Variants in FSTL4 observed in about 807,000 individuals in gnomAD.
FSTL4 encodes the protein follistatin-related protein 4.
In FSTL4, 28 loss-of-function variants were observed where a neutral mutation model predicts 78.2. The ratio of observed to expected loss-of-function variants is 0.36; its 90% CI spans 0.27 to 0.49. The LOEUF (loss-of-function observed/expected upper bound fraction) is 0.49, where lower values mean the gene tolerates loss of function less well. Among genes scored for constraint, FSTL4 ranks in the 20% least tolerant of loss-of-function variants. The pLI is 0.98. For missense variants in FSTL4, 922 were observed against 1,084.9 expected (o/e 0.85, Z 2.11); for synonymous variants, 422 against 440.5 (o/e 0.96, Z 0.53).
At chr5:133,263,577 G>A (rs57027813) in intron 6 of FSTL4, among the ~76,000 whole-genome samples, 309 of 152,308 alleles carry the variant, frequency 2.0e-3, no homozygotes, top group African/African-American at 7.1e-3. Context: ...GACCTCTAAT[G>A]TTTCGTTAGA....
chr5:133,388,731 C>T (rs1755766838), intron 4 of FSTL4, among the ~76,000 whole-genome samples: 1 of 151,508 alleles, frequency 6.6e-6, no homozygotes, highest in Non-Finnish European at 1.5e-5. Flanking sequence ...TTTTTTGGAT[C>T]TCTCTTTGCT....
the FSTL4 span, among the ~76,000 whole-genome samples, chr5:133,748,556 G>A: frequency 1.3e-5 from 2 of 152,180 alleles, no homozygotes; most frequent in Non-Finnish European, 2.9e-5. Flanking sequence ...GGGTGACAGA[G>A]CGAGACTCCA....
At chr5:133,659,066 G>T in the FSTL4 span, among the ~76,000 whole-genome samples, 1 of 152,030 alleles carries the variant, frequency 6.6e-6, no homozygotes, top group African/African-American at 2.4e-5. Context: ...GTTTGTGTTT[G>T]TTCTATATGC....
intron 4 of FSTL4, among the ~76,000 whole-genome samples, chr5:133,318,477 T>C (rs1753962824): frequency 6.6e-6 from 1 of 152,124 alleles, no homozygotes; most frequent in African/African-American, 2.4e-5. Context: ...TCCTGGCAAA[T>C]AGACCAGAAG....
chr5:133,648,631 C>T, the FSTL4 span, among the ~76,000 whole-genome samples: 29,112 of 152,156 alleles, frequency 0.19, 2,903 homozygotes, highest in Middle Eastern at 0.41. Context: ...CACAGTTCCC[C>T]GGGCTTCAAA....
intron 4 of FSTL4, among the ~76,000 whole-genome samples, chr5:133,390,678 C>T (rs1251881945): frequency 1.3e-5 from 2 of 152,232 alleles, no homozygotes; most frequent in Non-Finnish European, 2.9e-5. Context: ...TCCAATGAGC[C>T]TGCTCTGCTG....
intron 4 of FSTL4, among the ~76,000 whole-genome samples, chr5:133,341,027 C>G (rs560325556): frequency 6.6e-6 from 1 of 152,010 alleles, no homozygotes; most frequent in Non-Finnish European, 1.5e-5. Flanking sequence ...TGCCTGAGGG[C>G]GCTCCAAAGT....
the FSTL4 span, among the ~76,000 whole-genome samples, chr5:133,760,354 G>A: frequency 1.3e-5 from 2 of 152,228 alleles, no homozygotes; most frequent in Non-Finnish European, 2.9e-5. Context: ...CTTTCTAGGA[G>A]TCACTGACTG....
intron 6 of FSTL4, among the ~76,000 whole-genome samples, chr5:133,254,810 C>T (rs530302342): frequency 8.5e-5 from 13 of 152,222 alleles, no homozygotes; most frequent in Non-Finnish European, 1.8e-4. Flanking sequence ...CCTGTTGAGC[C>T]TCACATCCTG....
intron 3 of FSTL4, among the ~76,000 whole-genome samples, chr5:133,553,073 T>A (rs1580784590): frequency 6.6e-6 from 1 of 152,028 alleles, no homozygotes; most frequent in Non-Finnish European, 1.5e-5. Context: ...TGCCATCAGG[T>A]CTCTGGGCCT....
chr5:133,414,187 AG>A (rs1338178276), intron 3 of FSTL4, among the ~76,000 whole-genome samples: 1 of 152,188 alleles, frequency 6.6e-6, no homozygotes, highest in Non-Finnish European at 1.5e-5. Flanking sequence ...CAGGTTACTC[AG>A]GTAGTTTGCA....
chr5:133,500,650 T>C (rs148067600), intron 3 of FSTL4, among the ~76,000 whole-genome samples: 2 of 152,314 alleles, frequency 1.3e-5, no homozygotes, highest in East Asian at 3.9e-4. Flanking sequence ...GCTTGCACTC[T>C]CAGGCTATTT....
chr5:133,651,009 G>C, the FSTL4 span, among the ~76,000 whole-genome samples: 1 of 152,116 alleles, frequency 6.6e-6, no homozygotes, highest in South Asian at 2.1e-4. Flanking sequence ...TAATGTAAAA[G>C]ATATTCTGTT....
At chr5:133,296,213 A>C (rs1210789397) in intron 6 of FSTL4, among the ~76,000 whole-genome samples, 1 of 152,138 alleles carries the variant, frequency 6.6e-6, no homozygotes, top group Non-Finnish European at 1.5e-5. Flanking sequence ...CATGCAACTC[A>C]TCAGCAAATC....
intron 3 of FSTL4, among the ~76,000 whole-genome samples, chr5:133,551,443 G>A (rs1490593344): frequency 6.6e-6 from 1 of 152,164 alleles, no homozygotes; most frequent in Admixed American, 6.5e-5. Flanking sequence ...CACTGCACAA[G>A]GGCAGTAACT....
chr5:133,337,137 C>T (rs750478877), intron 4 of FSTL4, among the ~76,000 whole-genome samples: 1 of 152,244 alleles, frequency 6.6e-6, no homozygotes, highest in Non-Finnish European at 1.5e-5. Flanking sequence ...CGGTAAGGCC[C>T]AGAGCCCCCA....
chr5:133,425,689 A>G (rs1000067700), intron 3 of FSTL4, among the ~76,000 whole-genome samples: 2 of 152,236 alleles, frequency 1.3e-5, no homozygotes, highest in African/African-American at 4.8e-5. Context: ...TAAAGCATTA[A>G]TTAATTAATT....
the FSTL4 span, among the ~76,000 whole-genome samples, chr5:133,816,449 T>C: frequency 6.6e-6 from 1 of 152,154 alleles, no homozygotes; most frequent in Non-Finnish European, 1.5e-5. Flanking sequence ...TCTTCCCTCC[T>C]AGAGATGAAA....
At chr5:133,278,788 C>T (rs1180839871) in intron 6 of FSTL4, among the ~76,000 whole-genome samples, 2 of 152,230 alleles carry the variant, frequency 1.3e-5, no homozygotes, top group Non-Finnish European at 2.9e-5. Context: ...CACAGCTATG[C>T]AGGGGCATTT....
Sources: allele counts gnomAD v4.1 joint callset (sites outside exome capture counted in the v4.1 genomes callset), GRCh38; gene constraint gnomAD v4.1.1; transcripts MANE v1.5; gene names NCBI Gene and HGNC (gene_info 2026-07-23, HGNC 2026-07-21).